LRRC4C: variants seen among roughly 807,000 people sequenced by gnomAD.
LRRC4C encodes the protein leucine rich repeat containing 4C.
LRRC4C carries 5 observed loss-of-function variants against 33.6 expected under a neutral mutation model. The observed-to-expected ratio is 0.15, with a 90% confidence interval of 0.08 to 0.31. The LOEUF (loss-of-function observed/expected upper bound fraction) is 0.31, where lower values mean the gene tolerates loss of function less well. LRRC4C is among the 10% of genes least tolerant of loss of function. The pLI is 1.00. For synonymous variants in LRRC4C, 329 were observed against 302.0 expected (o/e 1.09, Z -0.93); for missense variants, 560 against 796.7 (o/e 0.70, Z 3.58).
intron 3 of LRRC4C, among the ~76,000 whole-genome samples, chr11:40,609,440 A>G (rs1960970577): frequency 6.6e-6 from 1 of 152,022 alleles, no homozygotes. Flanking sequence ...GACAATGTCT[A>G]CATTTAAAAA....
intron 1 of LRRC4C, among the ~76,000 whole-genome samples, chr11:41,367,641 T>C (rs2137741982): frequency 1.3e-5 from 2 of 152,312 alleles, no homozygotes; most frequent in South Asian, 4.1e-4. Context: ...TTTGTATCTG[T>C]ATGTCTGTAC....
chr11:41,192,533 A>G (rs1180819662), intron 1 of LRRC4C, among the ~76,000 whole-genome samples: 3 of 151,982 alleles, frequency 2.0e-5, no homozygotes, highest in African/African-American at 7.2e-5. Context: ...AATCTGTATC[A>G]CCTGGTTATT....
chr11:41,169,187 T>C lies in LRRC4C; in HGVS notation c.-495-235464A>G, dbSNP rs541336492. ...ATTCCTAGATTAAGAGAATAAAACA[T>C]TTTTCAAAACATTGCTTATGCCATT... On this transcript the variant is annotated intron_variant, in intron 1 of 6. Coordinates refer to ENST00000528697, the MANE Select transcript of LRRC4C (RefSeq NM_001258419.2). Among the ~76,000 whole-genome samples, 5 of 152,322 alleles carry C rather than the reference T, an allele frequency of 3.3e-5. No homozygotes were observed. The South Asian group carries it at 1.0e-3, about 32-fold the overall frequency.
intron 1 of LRRC4C, among the ~76,000 whole-genome samples, chr11:41,433,888 TAC>T (rs1259900623): frequency 6.6e-6 from 1 of 152,074 alleles, no homozygotes; most frequent in African/African-American, 2.4e-5. Context: ...AGCACTCTAA[TAC>T]AGTTATTGTT....
At chr11:41,053,311 G>A (rs1858385590) in intron 1 of LRRC4C, among the ~76,000 whole-genome samples, 1 of 152,202 alleles carries the variant, frequency 6.6e-6, no homozygotes, top group African/African-American at 2.4e-5. Flanking sequence ...CAGGCATGCT[G>A]GAGAGGCCCA....
intron 2 of LRRC4C, among the ~76,000 whole-genome samples, chr11:40,834,899 G>GAC (rs1326075676): frequency 2.6e-5 from 1 of 38,854 alleles, no homozygotes; most frequent in South Asian, 1.3e-3. Flanking sequence ...CAGACAGACA[G>GAC]ACAGACAGAC....
At chr11:41,344,226 C>CTTTT (rs34736782) in intron 1 of LRRC4C, among the ~76,000 whole-genome samples, 10 of 118,434 alleles carry the variant, frequency 8.4e-5, no homozygotes, top group Non-Finnish European at 1.0e-4. Context: ...TGAAGCCTTT[C>CTTTT]TTTTTTTTTT....
intron 2 of LRRC4C, among the ~76,000 whole-genome samples, chr11:40,930,054 T>C (rs528101352): frequency 4.3e-4 from 66 of 152,260 alleles, no homozygotes; most frequent in African/African-American, 1.4e-3. Flanking sequence ...CTTACAAATA[T>C]ATAACCAGGG....
intron 4 of LRRC4C, among the ~76,000 whole-genome samples, chr11:40,276,833 G>A (rs925709299): frequency 4.6e-5 from 7 of 151,924 alleles, no homozygotes; most frequent in African/African-American, 4.8e-5. Context: ...AATAAAGGGC[G>A]ATATGCTGAA....
chr11:40,310,101 C>T (rs943558540), intron 4 of LRRC4C, among the ~76,000 whole-genome samples: 1 of 151,898 alleles, frequency 6.6e-6, no homozygotes, highest in Non-Finnish European at 1.5e-5. Context: ...TCCAATCATC[C>T]CCCCACTTCT....
intron 2 of LRRC4C, among the ~76,000 whole-genome samples, chr11:40,742,397 G>C (rs1182204879): frequency 1.3e-5 from 2 of 151,850 alleles, no homozygotes; most frequent in Non-Finnish European, 2.9e-5. Flanking sequence ...TTAAGGCTTG[G>C]TTTCCTAAGT....
chr11:40,928,953 G>A (rs1957501286), intron 2 of LRRC4C, among the ~76,000 whole-genome samples: 1 of 152,070 alleles, frequency 6.6e-6, no homozygotes, highest in African/African-American at 2.4e-5. Context: ...AAACATTTTG[G>A]TGCATAATTG....
chr11:40,888,762 A>C (rs1198444413), intron 2 of LRRC4C, among the ~76,000 whole-genome samples: 1 of 151,982 alleles, frequency 6.6e-6, no homozygotes, highest in Non-Finnish European at 1.5e-5. Flanking sequence ...CTTCTCTTCA[A>C]ATATGTCCGA....
intron 3 of LRRC4C, among the ~76,000 whole-genome samples, chr11:40,556,015 T>C (rs1278094898): frequency 1.3e-5 from 2 of 152,162 alleles, no homozygotes; most frequent in African/African-American, 4.8e-5. Context: ...AAAATGAAAC[T>C]ATAGCCTCTT....
chr11:41,384,024 C>G (rs906755193), intron 1 of LRRC4C, among the ~76,000 whole-genome samples: 1 of 151,764 alleles, frequency 6.6e-6, no homozygotes, highest in Admixed American at 6.6e-5. Flanking sequence ...CCCATTATAG[C>G]CTTTAGTTGT....
intron 2 of LRRC4C, among the ~76,000 whole-genome samples, chr11:40,799,485 T>A (rs11827011): frequency 0.21 from 31,355 of 152,122 alleles, 4,736 homozygotes; most frequent in African/African-American, 0.43. Context: ...TAATACAGTC[T>A]CTTACTTTAT....
chr11:41,443,781 A>AT (rs11419487), intron 1 of LRRC4C, among the ~76,000 whole-genome samples: 51,769 of 115,068 alleles, frequency 0.45, 11,230 homozygotes, highest in Non-Finnish European at 0.49. Context: ...ACACCTAGCT[A>AT]TTTTTTTTTT....
intron 5 of LRRC4C, among the ~76,000 whole-genome samples, chr11:40,161,301 C>T (rs1859134727): frequency 6.6e-6 from 1 of 152,102 alleles, no homozygotes; most frequent in African/African-American, 2.4e-5. Flanking sequence ...AATGAGGAGG[C>T]AGTTAAATAA....
intron 2 of LRRC4C, among the ~76,000 whole-genome samples, chr11:40,754,835 G>T (rs1948868862): frequency 6.6e-6 from 1 of 151,794 alleles, no homozygotes; most frequent in Non-Finnish European, 1.5e-5. Flanking sequence ...ATCAGCTGTT[G>T]AATTTTATAT....
Sources: allele counts gnomAD v4.1 joint callset (sites outside exome capture counted in the v4.1 genomes callset), GRCh38; gene constraint gnomAD v4.1.1; transcripts MANE v1.5; gene names NCBI Gene and HGNC (gene_info 2026-07-23, HGNC 2026-07-21).